THOC1: variants seen among roughly 807,000 people sequenced by gnomAD.
THOC1 encodes the protein THO complex subunit 1.
THOC1 carries 29 observed loss-of-function variants against 97.3 expected under a neutral mutation model. That is an observed-to-expected ratio of 0.30 (90% CI 0.22 to 0.41). The LOEUF (loss-of-function observed/expected upper bound fraction) is 0.41. THOC1 is among the 10% of genes least tolerant of loss of function. The pLI is 1.00. For missense variants in THOC1, 529 were observed against 761.9 expected (o/e 0.69, Z 3.60); for synonymous variants, 255 against 257.0 (o/e 0.99, Z 0.07).
At chr18:249,988 C>A (rs1240764926) in intron 9 of THOC1, among the ~76,000 whole-genome samples, 1 of 152,126 alleles carries the variant, frequency 6.6e-6, no homozygotes, top group Non-Finnish European at 1.5e-5. Flanking sequence ...CTTTTTGTCT[C>A]AATTGCTAAG....
At chr18:251,053 ATT>A (rs1912262326) in intron 9 of THOC1, among the ~76,000 whole-genome samples, 2 of 152,238 alleles carry the variant, frequency 1.3e-5, no homozygotes, top group African/African-American at 2.4e-5. Flanking sequence ...AATAGACAAT[ATT>A]CTAAGTGCTT....
intron 4 of THOC1, among the ~76,000 whole-genome samples, chr18:261,486 T>G (rs1003762774): frequency 1.3e-5 from 2 of 152,100 alleles, no homozygotes; most frequent in African/African-American, 4.8e-5. Context: ...AACAGCAGAT[T>G]TCAACTCAAT....
chr18:257,662 A>C (rs1912478170), intron 7 of THOC1, among the ~76,000 whole-genome samples: 1 of 152,208 alleles, frequency 6.6e-6, no homozygotes. Context: ...CAAAGAGGCA[A>C]GATACCATGA....
At chr18:227,858 C>T (rs560164395) in intron 11 of THOC1, among the ~76,000 whole-genome samples, 2 of 152,186 alleles carry the variant, frequency 1.3e-5, no homozygotes, top group African/African-American at 2.4e-5. Flanking sequence ...CTCTGCTTTA[C>T]GTGGTTGGTA....
At chr18:216,371 G>T in intron 19 of THOC1, 115 bp downstream of exon 19, 1 of 1,124,418 alleles carries the variant, frequency 8.9e-7, no homozygotes, top group Non-Finnish European at 1.3e-6. Flanking sequence ...AAACATGGGA[G>T]CTTGTGGATC....
chr18:257,320 AATTAT>A (rs1346731995), intron 7 of THOC1, among the ~76,000 whole-genome samples: 2 of 152,230 alleles, frequency 1.3e-5, no homozygotes, highest in African/African-American at 2.4e-5. Context: ...CACAAATGTA[AATTAT>A]ATTAATGAAA....
intron 18 of THOC1, 82 bp downstream of exon 18, chr18:218,804 G>A: frequency 5.1e-6 from 6 of 1,182,672 alleles, no homozygotes; most frequent in Non-Finnish European, 7.2e-6. Flanking sequence ...CCTCTCTTAA[G>A]AGGCTTTCTA....
chr18:218,990 C>T, intron 17 of THOC1, 21 bp from the exon 18 acceptor site: 1 of 1,524,314 alleles, frequency 6.6e-7, no homozygotes, highest in Non-Finnish European at 8.9e-7. Flanking sequence ...CAAAAATAAC[C>T]AGTGAGGATG....
rs879781336 is a variant in THOC1 at position 214,522 on chromosome 18, G to GTT, written c.*102_*103dup. 100 of 925,090 alleles carry GTT rather than the reference G, an allele frequency of 1.1e-4. 1 individual carries two copies. Among genetic ancestry groups the GTT allele is most frequent in the East Asian group, 7.6e-4 (30 of 39,410 alleles). The allele number at this position is 925,090 out of a possible 1,614,324, so 57.3% of individuals were successfully genotyped here. A position where few individuals can be genotyped will look rare whatever the true frequency, so the allele number is the denominator to read the frequency against. The stretch of plus-strand genomic sequence containing the variant: ...AGCACCAGCCGACTGTACAACAATT[G>GTT]TTATAAAAATGTTTATTGTTTACCA... On this transcript the variant is annotated 3_prime_UTR_variant, in exon 21 of 21. Transcript: ENST00000261600.
chr18:260,200 C>A lies in THOC1; in HGVS notation c.361G>T (p.Ala121Ser). 1 of 1,556,416 alleles carries A rather than the reference C, an allele frequency of 6.4e-7. No homozygotes were observed. Among genetic ancestry groups the A allele is most frequent in the Admixed American group, 2.0e-5 (1 of 49,892 alleles). Residue 121 changes from alanine to serine, a missense_variant, in exon 5 of 21, where the codon GCT (alanine) becomes TCT (serine). Ala to Ser is a moderately conservative substitution (Grantham distance 99). Transcript: ENST00000261600. ...TIFTFVEKNV[A>S]TWKSNTFYSA... is the part of the protein sequence containing the mutation. ...AAGGCACTTACTGATTTCCAAGTAG[C>A]AACATTTTTTTCCACAAAAGTGAAT... is the stretch of plus-strand genomic sequence containing the variant.
intron 11 of THOC1, among the ~76,000 whole-genome samples, chr18:231,527 T>G (rs1022699371): frequency 1.3e-5 from 2 of 152,172 alleles, no homozygotes; most frequent in East Asian, 3.8e-4. Context: ...TGAGATCAAA[T>G]TATCCAATTT....
At chr18:223,599 G>T in intron 16 of THOC1, 94 bp from the exon 17 acceptor site, 2 of 968,534 alleles carry the variant, frequency 2.1e-6, no homozygotes. Context: ...TGTAAACAGT[G>T]GATTTGGGGA....
chr18:243,796 C>G (rs1480653050), intron 11 of THOC1, among the ~76,000 whole-genome samples: 1 of 152,050 alleles, frequency 6.6e-6, no homozygotes, highest in Non-Finnish European at 1.5e-5. Context: ...CTTTTGAATT[C>G]TTTAGTTAAC....
At position 214,848 on chromosome 18, in the gene THOC1, T is replaced by G. The variant is rs201476225; in HGVS notation, c.1752A>C (p.Gln584His). The change falls in exon 21 of 21, where the codon CAA becomes CAC. Residue 584 changes from glutamine (Q) to histidine (H), a missense_variant. Physicochemically the swap from Gln to His is conservative, Grantham distance 24. Coordinates refer to ENST00000261600, the MANE Select transcript of THOC1 (RefSeq NM_005131.3). ...IEVFANKLGEQWKILAPYLEM... is the reference protein window; with the variant it reads ...IEVFANKLGEHWKILAPYLEM... ...CCAAGTAGGGAGCCAGAATCTTCCA[T>G]TGTTCACCCAGCTTGTTGGCAAATA... 2 of 1,613,976 alleles carry G rather than the reference T, an allele frequency of 1.2e-6. No homozygotes were observed. The highest frequency in any genetic ancestry group is 2.2e-5 in the South Asian group (2 of 91,078).
intron 3 of THOC1, among the ~76,000 whole-genome samples, chr18:264,300 C>T (rs913004696): frequency 2.6e-5 from 4 of 152,158 alleles, no homozygotes; most frequent in Non-Finnish European, 5.9e-5. Context: ...TGTCAAGTAA[C>T]AGGCAACTCA....
chr18:217,532 C>T (rs1320861176), intron 18 of THOC1, among the ~76,000 whole-genome samples: 1 of 152,208 alleles, frequency 6.6e-6, no homozygotes, highest in African/African-American at 2.4e-5. Flanking sequence ...AATCGACAAA[C>T]ACTTTTGAGC....
intron 11 of THOC1, among the ~76,000 whole-genome samples, chr18:229,229 C>T (rs943300061): frequency 1.3e-5 from 2 of 152,186 alleles, no homozygotes; most frequent in Non-Finnish European, 2.9e-5. Context: ...TTTCCAAGCT[C>T]CTTTCCATAA....
In THOC1 at chr18:254,170, C is replaced by G; in HGVS notation, c.603+103G>C. ...CAAGCGATCTGCCCACCTCAGCCTC[C>G]CAAAGTGCTAGGATTACAAGTGTGA... On this transcript the variant is annotated intron_variant, in intron 8 of 20. Transcript: ENST00000261600. The surrounding 1 kb of genome is among the most constrained non-coding windows in gnomAD (Gnocchi z 4.1). 2 of 816,410 alleles carry G rather than the reference C, an allele frequency of 2.4e-6. No individual in the cohort carries two copies. Among genetic ancestry groups the G allele is most frequent in the African/African-American group, 1.7e-5 (1 of 58,888 alleles). 50.6% of individuals were successfully genotyped at this position (816,410 alleles called of 1,614,324 possible). A position where few individuals can be genotyped will look rare whatever the true frequency, so the allele number is the denominator to read the frequency against.
chr18:267,499 T>A (rs534946273), intron 1 of THOC1, among the ~76,000 whole-genome samples: 2 of 152,274 alleles, frequency 1.3e-5, no homozygotes, highest in East Asian at 3.9e-4. Flanking sequence ...CGCTTAGGAG[T>A]TAGACACGGT....
Sources: gnomAD v4.1 joint callset for allele counts (sites outside exome capture counted in the v4.1 genomes callset) on GRCh38, gnomAD v4.1.1 for gene constraint, Gnocchi (gnomAD v3.1) non-coding constraint, MANE v1.5 for transcripts, NCBI Gene and HGNC (gene_info 2026-07-23, HGNC 2026-07-21) for gene names.